Variants in BAZ1B observed in about 807,000 individuals in gnomAD.
BAZ1B encodes the protein tyrosine-protein kinase BAZ1B.
Under a neutral mutation model 153.8 loss-of-function variants are expected in BAZ1B, and 22 were observed. The ratio of observed to expected loss-of-function variants is 0.14; its 90% confidence interval spans 0.10 to 0.20. The LOEUF is 0.20. BAZ1B is among the 10% of genes least tolerant of loss of function. BAZ1B has a pLI of 1.00. For missense variants in BAZ1B, 1,325 were observed against 1,799.3 expected, an observed-to-expected ratio of 0.74 and a Z score of 4.77; for synonymous variants, 676 against 633.4, an observed-to-expected ratio of 1.07 and a Z score of -1.01.
At chr7:73,481,557 G>T (rs1554573686) in intron 6 of BAZ1B, among the ~76,000 whole-genome samples, 1 of 150,318 alleles carries the variant, frequency 6.7e-6, no homozygotes, top group African/African-American at 2.4e-5. Flanking sequence ...AAGATACAAT[G>T]AGAGAAACGA....
chr7:73,513,609 CTTAT>C (rs1485919648), intron 1 of BAZ1B, among the ~76,000 whole-genome samples: 2 of 152,210 alleles, frequency 1.3e-5, no homozygotes, highest in Non-Finnish European at 2.9e-5. Flanking sequence ...ACGGATTTGT[CTTAT>C]TTTTGTCTAC....
At chr7:73,466,814 CAACT>C (rs1788606652) in intron 9 of BAZ1B, among the ~76,000 whole-genome samples, 2 of 152,326 alleles carry the variant, frequency 1.3e-5, no homozygotes, top group South Asian at 2.1e-4. Flanking sequence ...TCAAATAATA[CAACT>C]AACTTTTTTG....
intron 4 of BAZ1B, among the ~76,000 whole-genome samples, chr7:73,497,082 A>AAAAAAAAAAAAAAAAAAAAC: frequency 6.6e-6 from 1 of 150,804 alleles, no homozygotes; most frequent in Non-Finnish European, 1.5e-5. Flanking sequence ...AAAAAAAAAA[A>AAAAAAAAAAAAAAAAAAAAC]ACCTACAAAA....
chr7:73,517,214 C>T lies in BAZ1B; in HGVS notation c.107+4613G>A, dbSNP rs374781261. ...AAAAAAAAAAGAGAGAAAGTAAGGC[C>T]ACACACAGTGGCTCATACCTGTAAT... On this transcript the variant is annotated intron_variant, in intron 1 of 19. Transcript: ENST00000339594. 3.3e-5 allele frequency among the ~76,000 whole-genome samples: 5 copies of T among 151,216 alleles called. No homozygotes were observed. The East Asian group carries it at 5.8e-4, about 18-fold the overall frequency.
At position 73,442,378 on chromosome 7, in the gene BAZ1B, G is replaced by C. The variant is rs1787655555; in HGVS notation, c.4270C>G (p.His1424Asp). The stretch of plus-strand genomic sequence containing the variant: ...GTCTTCACCATGCAGCTTAGCACAT[G>C]GCTGCCACGGCAGTTGTAAACCTCA... The part of the protein sequence containing the change: ...NAEVYNCRGS[H>D]VLSCMVKTEQ... Residue 1424 changes from histidine to aspartate, a missense_variant, in exon 19 of 20, where the codon CAT becomes GAT. Physicochemically the swap from His to Asp is moderately conservative, Grantham distance 81. Coordinates refer to ENST00000339594, the MANE Select transcript of BAZ1B (RefSeq NM_032408.4). The C allele has an allele frequency of 1.2e-6, 2 of 1,614,214 alleles. No homozygotes were observed. Among genetic ancestry groups the C allele is most frequent in the Non-Finnish European group, 1.7e-6 (2 of 1,180,050 alleles).
intron 6 of BAZ1B, among the ~76,000 whole-genome samples, chr7:73,481,057 T>C (rs973300125): frequency 6.6e-6 from 1 of 152,010 alleles, no homozygotes; most frequent in Non-Finnish European, 1.5e-5. Context: ...CTCCCAAGTA[T>C]CTGTGATTAC....
chr7:73,440,992 C>CGCT lies in BAZ1B; in HGVS notation c.*714_*716dup, dbSNP rs1196526681. 1 of 152,520 alleles carries CGCT rather than the reference C, an allele frequency of 6.6e-6. No homozygotes were observed. Among genetic ancestry groups the CGCT allele is most frequent in the African/African-American group, 2.4e-5 (1 of 41,434 alleles). The allele number at this position is 152,520 out of a possible 1,614,324, so 9.4% of individuals were successfully genotyped here. ...GAAGGGGCTCTCAGAGCTTCTCTGC[C>CGCT]GCTCTCTCCTCCCACCCCCCACCGA... On this transcript the variant is annotated 3_prime_UTR_variant, in exon 20 of 20. Coordinates refer to ENST00000339594, the MANE Select transcript of BAZ1B (RefSeq NM_032408.4).
intron 5 of BAZ1B, among the ~76,000 whole-genome samples, chr7:73,492,032 G>A (rs570429810): frequency 3.3e-4 from 38 of 114,176 alleles, no homozygotes; most frequent in Non-Finnish European, 5.4e-4. Flanking sequence ...GCTCTATGTT[G>A]CCCAGGCTGG....
chr7:73,466,696 A>G (rs552004324), intron 9 of BAZ1B, among the ~76,000 whole-genome samples: 1 of 152,338 alleles, frequency 6.6e-6, no homozygotes, highest in Admixed American at 6.5e-5. Flanking sequence ...AAAGCAAAAT[A>G]AAGAATTTAC....
intron 3 of BAZ1B, among the ~76,000 whole-genome samples, chr7:73,504,635 G>T (rs574957964): frequency 1.3e-5 from 2 of 152,164 alleles, no homozygotes; most frequent in Admixed American, 1.3e-4. Context: ...CCGGACTCCA[G>T]CCTGGGCGAC....
Position 73,522,108 on chromosome 7 carries a change from T to G in BAZ1B, c.-175A>C, listed in dbSNP as rs1449628258. Reference sequence around the variant, plus strand: ...CGCCGGCGCGGCCGCGCGACAGTCATGGAGCGGAACGCCACGGCGCAGAGC... The same window carrying G: ...CGCCGGCGCGGCCGCGCGACAGTCAGGGAGCGGAACGCCACGGCGCAGAGC... On this transcript the variant is annotated 5_prime_UTR_variant, in exon 1 of 20. It removes an upstream start codon present in the reference 5' UTR. Transcript: ENST00000339594. 4.7e-6 allele frequency: 2 copies of G among 423,930 alleles called. No homozygotes were observed. The highest frequency in any genetic ancestry group is 6.0e-4 in the Middle Eastern group (1 of 1,662). 26.3% of individuals were successfully genotyped at this position (423,930 alleles called of 1,614,324 possible). A position where few individuals can be genotyped will look rare whatever the true frequency, so the allele number is the denominator to read the frequency against.
chr7:73,512,907 T>G (rs549937073), intron 1 of BAZ1B, among the ~76,000 whole-genome samples: 8 of 152,332 alleles, frequency 5.3e-5, no homozygotes, highest in Non-Finnish European at 1.0e-4. Flanking sequence ...GCCTCCTGAA[T>G]AGCTGGGATT....
At chr7:73,495,857 C>A (rs536288722) in intron 4 of BAZ1B, among the ~76,000 whole-genome samples, 26 of 152,238 alleles carry the variant, frequency 1.7e-4, no homozygotes, top group African/African-American at 5.5e-4. Flanking sequence ...TAGAGGGGAA[C>A]AACACACACT....
chr7:73,503,870 C>T (rs1345486588), intron 3 of BAZ1B, among the ~76,000 whole-genome samples: 1 of 152,050 alleles, frequency 6.6e-6, no homozygotes, highest in Non-Finnish European at 1.5e-5. Context: ...GAGCAGAAAA[C>T]CAGGAGATGG....
chr7:73,489,235 G>A lies in BAZ1B; in HGVS notation c.850C>T (p.Leu284=). 1 of 1,614,216 alleles carries A rather than the reference G, an allele frequency of 6.2e-7. No individual in the cohort carries two copies. The highest frequency in any genetic ancestry group is 1.1e-5 in the South Asian group (1 of 91,084). Residue 284 remains leucine, a synonymous_variant, in exon 6 of 20, where the codon CTG becomes TTG. Coordinates refer to ENST00000339594, the MANE Select transcript of BAZ1B (RefSeq NM_032408.4). ...VEDELVKKYS[L]PSKFSDFLLD... ...AAAAAGTCACTGAACTTGCTGGGCA[G>A]AGAGTATTTCTTCACCAATTCATCT...
Position 73,522,223 on chromosome 7 carries a change from G to A in BAZ1B, c.-290C>T, listed in dbSNP as rs1409741966. On this transcript the variant is annotated 5_prime_UTR_variant, in exon 1 of 20. Coordinates refer to ENST00000339594, the MANE Select transcript of BAZ1B (RefSeq NM_032408.4). ...CGGCAGTCACGACTCCTCCTCAGCA[G>A]CACCGGAGGAAATTATTGAAAAATG... 1.0e-5 allele frequency: 4 copies of A among 386,296 alleles called. No individual in the cohort carries two copies. The East Asian group carries it at 1.5e-4, about 14-fold the overall frequency. The allele number at this position is 386,296 out of a possible 1,614,324, so 23.9% of individuals were successfully genotyped here.
chr7:73,485,189 C>A (rs1378766980), intron 6 of BAZ1B, among the ~76,000 whole-genome samples: 2 of 152,084 alleles, frequency 1.3e-5, no homozygotes, highest in Non-Finnish European at 2.9e-5. Context: ...CCACCTCAGC[C>A]TCCCAAAGTG....
At chr7:73,511,292 G>T (rs1222190782) in intron 1 of BAZ1B, among the ~76,000 whole-genome samples, 1 of 151,604 alleles carries the variant, frequency 6.6e-6, no homozygotes, top group African/African-American at 2.4e-5. Flanking sequence ...AAAAAAAAAT[G>T]AAAAAAATGG....
chr7:73,477,229 C>T lies in BAZ1B; in HGVS notation c.2232G>A (p.Glu744=). The change falls in exon 7 of 20, where the codon GAG becomes GAA. Residue 744 remains glutamate (E), a synonymous_variant. Transcript: ENST00000339594. The surrounding 1 kb of genome is among the most constrained non-coding windows in gnomAD (Gnocchi z 5.6). ...ACAGTGCTGTCAAGATCTGTAGCTT[C>T]TCCTCTGACGTCAGCTCAAAAAATT... ...TSEFFELTSE[E]KLQILTALCH... 1 of 1,614,224 alleles carries T rather than the reference C, an allele frequency of 6.2e-7. No homozygotes were observed. The highest frequency in any genetic ancestry group is 8.5e-7 in the Non-Finnish European group (1 of 1,180,042).
Sources: gnomAD v4.1 joint callset for allele counts (sites outside exome capture counted in the v4.1 genomes callset) on GRCh38, gnomAD v4.1.1 for gene constraint, Gnocchi (gnomAD v3.1) non-coding constraint, MANE v1.5 for transcripts, NCBI Gene and HGNC (gene_info 2026-07-23, HGNC 2026-07-21) for gene names.